Variants in CPA6 observed in about 807,000 individuals in gnomAD.
The protein encoded by CPA6 is carboxypeptidase A6, also known as carboxypeptidase B.
In CPA6, 58 loss-of-function variants were observed where a neutral mutation model predicts 63.3. The observed-to-expected ratio is 0.92, with a 90% CI of 0.74 to 1.14. The LOEUF is 1.14. CPA6 is among the 50% of genes most tolerant of loss of function. CPA6 has a pLI of 0.00. For synonymous variants in CPA6, 185 were observed against 179.0 expected (o/e 1.03, Z -0.27); for missense variants, 565 against 526.6 (o/e 1.07, Z -0.71).
chr8:67,677,448 T>G (rs892176351), intron 1 of CPA6, among the ~76,000 whole-genome samples: 2 of 151,876 alleles, frequency 1.3e-5, no homozygotes, highest in African/African-American at 4.8e-5. Context: ...TATAGTATAC[T>G]TACAACAGTA....
intron 1 of CPA6, among the ~76,000 whole-genome samples, chr8:67,631,446 C>T (rs568722267): frequency 1.1e-4 from 17 of 152,306 alleles, no homozygotes; most frequent in Admixed American, 2.6e-4. Context: ...CCAATCAGTG[C>T]TCTGTGTCTA....
intron 1 of CPA6, among the ~76,000 whole-genome samples, chr8:67,713,868 G>T (rs1210244986): frequency 6.6e-6 from 1 of 152,160 alleles, no homozygotes; most frequent in African/African-American, 2.4e-5. Context: ...CTGATTTACA[G>T]CTGCATTCAA....
intron 8 of CPA6, among the ~76,000 whole-genome samples, chr8:67,462,735 G>A (rs1810840685): frequency 6.6e-6 from 1 of 152,162 alleles, no homozygotes; most frequent in African/African-American, 2.4e-5. Context: ...AAGTTAGCTT[G>A]TAAGAAAAGG....
chr8:67,607,151 CT>C (rs1446211137), intron 2 of CPA6, among the ~76,000 whole-genome samples: 5 of 107,056 alleles, frequency 4.7e-5, no homozygotes, highest in East Asian at 3.0e-4. Context: ...CCTCCCCCCC[CT>C]CCTCTTCTTC....
At chr8:67,593,881 A>G (rs1224423754) in intron 2 of CPA6, among the ~76,000 whole-genome samples, 2 of 148,924 alleles carry the variant, frequency 1.3e-5, no homozygotes, top group Non-Finnish European at 3.0e-5. Flanking sequence ...TAGTCCATTT[A>G]CATTTAAAGT....
intron 2 of CPA6, among the ~76,000 whole-genome samples, chr8:67,613,774 C>G (rs116512939): frequency 1.3e-5 from 2 of 152,140 alleles, no homozygotes; most frequent in African/African-American, 4.8e-5. Flanking sequence ...TGTTTTTGTG[C>G]CCAAAAAGTT....
At chr8:67,512,165 C>G (rs1489709640) in intron 3 of CPA6, among the ~76,000 whole-genome samples, 1 of 152,192 alleles carries the variant, frequency 6.6e-6, no homozygotes. Context: ...AAGGTGAACC[C>G]AAATTCCAAT....
intron 2 of CPA6, among the ~76,000 whole-genome samples, chr8:67,591,793 C>T (rs891479417): frequency 2.0e-5 from 3 of 152,290 alleles, no homozygotes; most frequent in Admixed American, 1.3e-4. Flanking sequence ...TGGGCTGAGA[C>T]AATGGGGTTT....
chr8:67,565,454 T>C (rs975876364), intron 2 of CPA6, among the ~76,000 whole-genome samples: 3 of 152,172 alleles, frequency 2.0e-5, no homozygotes, highest in African/African-American at 7.2e-5. Flanking sequence ...AGACCTCTGT[T>C]AGGCTAAGGA....
chr8:67,574,605 C>A (rs1260420980), intron 2 of CPA6, among the ~76,000 whole-genome samples: 1 of 152,078 alleles, frequency 6.6e-6, no homozygotes, highest in Non-Finnish European at 1.5e-5. Context: ...GGTCAATGAA[C>A]TTGACAAAGG....
intron 1 of CPA6, among the ~76,000 whole-genome samples, chr8:67,635,009 C>G (rs975202293): frequency 6.6e-6 from 1 of 151,344 alleles, no homozygotes; most frequent in African/African-American, 2.5e-5. Context: ...GTCTCAGCCT[C>G]CCAGGTAGCT....
chr8:67,521,623 G>A (rs1812259392), intron 2 of CPA6, among the ~76,000 whole-genome samples: 1 of 152,206 alleles, frequency 6.6e-6, no homozygotes, highest in Admixed American at 6.5e-5. Flanking sequence ...ATGAAAATAA[G>A]GACAGAGTTC....
intron 2 of CPA6, among the ~76,000 whole-genome samples, chr8:67,614,984 A>G (rs1415300115): frequency 2.0e-5 from 3 of 152,186 alleles, no homozygotes; most frequent in African/African-American, 4.8e-5. Context: ...AAGACCTCAC[A>G]TGGTTGAATA....
intron 1 of CPA6, among the ~76,000 whole-genome samples, chr8:67,687,208 T>C (rs187102127): frequency 5.3e-5 from 8 of 152,340 alleles, no homozygotes; most frequent in African/African-American, 1.9e-4. Context: ...CTCAGGACTT[T>C]CCAGTTTTAG....
intron 8 of CPA6, chr8:67,452,454 C>A (rs1810576984): frequency 6.6e-6 from 1 of 152,202 alleles, no homozygotes. Flanking sequence ...GAAGGCGAAT[C>A]CAATTGTTCT....
Position 67,484,673 on chromosome 8 carries a change from A to T in CPA6, c.747+6T>A. ...TCTTTTCAACTGGGTAGGCAAAGTG[A>T]CTTACATTGGTCCAACTAAAATGGT... On this transcript the variant is annotated splice_donor_region_variant and intron_variant, in intron 7 of 10. Coordinates refer to ENST00000297770, the MANE Select transcript of CPA6 (RefSeq NM_020361.5). The T allele has an allele frequency of 2.1e-6, 3 of 1,445,790 alleles. No homozygotes were observed. Among genetic ancestry groups the T allele is most frequent in the Non-Finnish European group, 2.9e-6 (3 of 1,029,242 alleles). 89.6% of individuals were successfully genotyped at this position (1,445,790 alleles called of 1,614,324 possible). A position where few individuals can be genotyped will look rare whatever the true frequency, so the allele number is the denominator to read the frequency against.
rs2380429 is a variant in CPA6 at position 67,689,273 on chromosome 8, T to A, written c.116+56741A>T. ...AGAACTTCAGATATAAACTTCTTCTTCAAAAAAATTCCACTTTTATTTTAG... is the reference window on the plus strand; with the variant it reads ...AGAACTTCAGATATAAACTTCTTCTACAAAAAAATTCCACTTTTATTTTAG... On this transcript the variant is annotated intron_variant, in intron 1 of 10. Coordinates refer to ENST00000297770, the MANE Select transcript of CPA6 (RefSeq NM_020361.5). Among the ~76,000 whole-genome samples, 42 of 51,040 alleles carry A rather than the reference T, an allele frequency of 8.2e-4. No individual in the cohort carries two copies. In the African/African-American group the frequency reaches 0.015, roughly 18 times the overall value. The allele number at this position is 51,040 out of a possible 152,430, so 33.5% of individuals were successfully genotyped here.
At chr8:67,652,103 A>G (rs1275713867) in intron 1 of CPA6, among the ~76,000 whole-genome samples, 2 of 152,196 alleles carry the variant, frequency 1.3e-5, no homozygotes, top group Admixed American at 1.3e-4. Context: ...ATAGTATTCC[A>G]TGGTGAACAT....
At chr8:67,672,554 T>C (rs995059651) in intron 1 of CPA6, among the ~76,000 whole-genome samples, 2 of 152,256 alleles carry the variant, frequency 1.3e-5, no homozygotes, top group African/African-American at 2.4e-5. Flanking sequence ...TCAAGTCAAA[T>C]CCAACCATGT....
Sources: gnomAD v4.1 joint callset for allele counts (sites outside exome capture counted in the v4.1 genomes callset) on GRCh38, gnomAD v4.1.1 for gene constraint, MANE v1.5 for transcripts, NCBI Gene and HGNC (gene_info 2026-07-23, HGNC 2026-07-21) for gene names.